PRIM2: variants seen among roughly 807,000 people sequenced by gnomAD.
The protein encoded by PRIM2 is DNA primase subunit 2.
A neutral mutation model predicts 67.3 loss-of-function variants in PRIM2; 39 were observed. That is an observed-to-expected ratio of 0.58 (90% confidence interval 0.45 to 0.76). PRIM2 has a LOEUF of 0.76. Among genes scored for constraint, PRIM2 ranks in the 30% least tolerant of loss-of-function variants. The pLI is 0.00. For missense variants in PRIM2, 398 were observed against 598.7 expected (o/e 0.66, Z 3.50); for synonymous variants, 143 against 198.7 (o/e 0.72, Z 2.36).
At chr6:57,565,849 T>C (rs1193286321) in intron 10 of PRIM2, among the ~76,000 whole-genome samples, 1 of 152,220 alleles carries the variant, frequency 6.6e-6, no homozygotes, top group African/African-American at 2.4e-5. Context: ...TGTCTTATGA[T>C]TTGGCAAAAT....
chr6:57,538,563 T>G (rs1775067169), intron 10 of PRIM2, among the ~76,000 whole-genome samples: 2 of 152,248 alleles, frequency 1.3e-5, no homozygotes, highest in Admixed American at 1.3e-4. Flanking sequence ...AAGTAAATTA[T>G]GGAAGAAAGA....
At chr6:57,492,220 A>G (rs1245314414) in intron 7 of PRIM2, among the ~76,000 whole-genome samples, 1 of 152,076 alleles carries the variant, frequency 6.6e-6, no homozygotes, top group African/African-American at 2.4e-5. Context: ...TGTGTACCGG[A>G]CAGAAGTCTG....
intron 7 of PRIM2, among the ~76,000 whole-genome samples, chr6:57,442,501 A>G (rs1345312885): frequency 6.6e-6 from 1 of 152,062 alleles, no homozygotes; most frequent in Admixed American, 6.5e-5. Flanking sequence ...TAAGGGCCCA[A>G]AGGACTAGAG....
chr6:57,398,792 AG>A, intron 7 of PRIM2, among the ~76,000 whole-genome samples: 2 of 152,238 alleles, frequency 1.3e-5, no homozygotes, highest in African/African-American at 4.8e-5. Context: ...GTCTCTTTGT[AG>A]GTCTCTAAGA....
intron 7 of PRIM2, among the ~76,000 whole-genome samples, chr6:57,470,857 G>A (rs1276390953): frequency 1.6e-3 from 250 of 152,188 alleles, no homozygotes; most frequent in Non-Finnish European, 2.6e-3. Context: ...TGGCACTTTA[G>A]TTGTCCCTCC....
At chr6:57,346,573 C>T (rs1203808710) in intron 5 of PRIM2, among the ~76,000 whole-genome samples, 4 of 152,184 alleles carry the variant, frequency 2.6e-5, no homozygotes, top group African/African-American at 9.7e-5. Flanking sequence ...CTACCTCGGC[C>T]TCCCAAAGTG....
At chr6:57,599,696 G>C (rs1459812833) in intron 10 of PRIM2, among the ~76,000 whole-genome samples, 1 of 152,192 alleles carries the variant, frequency 6.6e-6, no homozygotes, top group East Asian at 1.9e-4. Flanking sequence ...ACCCACCTCA[G>C]TACCAGCATG....
intron 7 of PRIM2, among the ~76,000 whole-genome samples, chr6:57,424,605 A>C (rs1181926606): frequency 3.3e-5 from 5 of 152,204 alleles, no homozygotes; most frequent in African/African-American, 1.2e-4. Context: ...CTCTTATATT[A>C]AGGAGATTAC....
chr6:57,533,597 TATCTC>T (rs1256894563), intron 9 of PRIM2, among the ~76,000 whole-genome samples: 50 of 152,334 alleles, frequency 3.3e-4, no homozygotes, highest in African/African-American at 1.2e-3. Flanking sequence ...ATTAAACACT[TATCTC>T]TAACAGTCCA....
intron 7 of PRIM2, among the ~76,000 whole-genome samples, chr6:57,480,563 C>T (rs1468477413): frequency 1.3e-5 from 2 of 152,128 alleles, no homozygotes; most frequent in Non-Finnish European, 2.9e-5. Context: ...TATCTATACT[C>T]ACTTTCTCCA....
the PRIM2 span, chr6:57,221,982 G>A: frequency 6.6e-6 from 1 of 152,308 alleles, no homozygotes; most frequent in African/African-American, 2.4e-5. Flanking sequence ...GAGGGCGAGT[G>A]AGTGCAGCGC....
chr6:57,596,038 G>A (rs1281386857), intron 10 of PRIM2, among the ~76,000 whole-genome samples: 3 of 151,846 alleles, frequency 2.0e-5, no homozygotes, highest in African/African-American at 7.3e-5. Flanking sequence ...AATGCCCAGG[G>A]AGTTCCAAGG....
At chr6:57,241,189 A>G in the PRIM2 span, among the ~76,000 whole-genome samples, 108 of 148,596 alleles carry the variant, frequency 7.3e-4, no homozygotes, top group African/African-American at 2.4e-3. Flanking sequence ...GCGCCAGTGC[A>G]CTCCATCCTG....
intron 7 of PRIM2, among the ~76,000 whole-genome samples, chr6:57,401,276 AGAAGT>A (rs1339867947): frequency 2.0e-5 from 3 of 151,896 alleles, no homozygotes; most frequent in African/African-American, 7.3e-5. Context: ...TAGTCTATTG[AGAAGT>A]CAATAGACTT....
chr6:57,504,685 G>A (rs1376105932), intron 7 of PRIM2, among the ~76,000 whole-genome samples: 4 of 152,070 alleles, frequency 2.6e-5, no homozygotes, highest in Non-Finnish European at 4.4e-5. Flanking sequence ...CCGGTACATT[G>A]TTGTGTTTTC....
intron 8 of PRIM2, among the ~76,000 whole-genome samples, chr6:57,526,562 G>A (rs1379471653): frequency 1.3e-5 from 2 of 152,046 alleles, no homozygotes; most frequent in Admixed American, 1.3e-4. Context: ...TTTGAATTTT[G>A]TGACCCATTA....
chr6:57,326,893 CTTTTTTTTT>C (rs70989764), intron 5 of PRIM2, among the ~76,000 whole-genome samples: 24 of 131,482 alleles, frequency 1.8e-4, no homozygotes, highest in Non-Finnish European at 1.9e-4. Flanking sequence ...GAATTTGTAT[CTTTTTTTTT>C]TTTTTTTTTT....
At chr6:57,515,089 A>G (rs1470532326) in intron 8 of PRIM2, among the ~76,000 whole-genome samples, 4 of 152,336 alleles carry the variant, frequency 2.6e-5, no homozygotes, top group African/African-American at 9.6e-5. Context: ...CTTGATGCAT[A>G]CTTTAATTAT....
chr6:57,644,656 T>C (rs1436691116), intron 13 of PRIM2, among the ~76,000 whole-genome samples: 1 of 152,226 alleles, frequency 6.6e-6, no homozygotes, highest in Non-Finnish European at 1.5e-5. Context: ...ATACCTACAG[T>C]GTGCAAGTCA....
Sources: gnomAD v4.1 joint callset for allele counts (sites outside exome capture counted in the v4.1 genomes callset) on GRCh38, gnomAD v4.1.1 for gene constraint, MANE v1.5 for transcripts, NCBI Gene and HGNC (gene_info 2026-07-23, HGNC 2026-07-21) for gene names.